PRKCI: variants seen among roughly 807,000 people sequenced by gnomAD.
The protein encoded by PRKCI is protein kinase C iota, also known as protein kinase C iota type.
PRKCI carries 43 observed loss-of-function variants against 84.0 expected under a neutral mutation model. The ratio of observed to expected loss-of-function variants is 0.51; its 90% CI spans 0.40 to 0.66. The LOEUF (loss-of-function observed/expected upper bound fraction) is 0.66. Ranked by LOEUF, PRKCI falls within the 30% of genes least tolerant of loss-of-function variation. The probability of loss-of-function intolerance (pLI) is 0.00; values close to 1 mark genes in which losing one functional copy is unlikely to be tolerated. For missense variants in PRKCI, 459 were observed against 745.6 expected, an observed-to-expected ratio of 0.62 and a Z score of 4.48; for synonymous variants, 216 against 234.4, an observed-to-expected ratio of 0.92 and a Z score of 0.72.
At chr3:170,280,487 AC>A in intron 9 of PRKCI, 84 bp downstream of exon 9, 1 of 1,317,334 alleles carries the variant, frequency 7.6e-7, no homozygotes, top group South Asian at 1.5e-5. Context: ...CGCTCTTGTC[AC>A]CCAGCCTGGA....
rs545531420 is a variant in PRKCI at position 170,275,384 on chromosome 3, T to C, written c.705+97T>C. 1.3e-5 allele frequency: 15 copies of C among 1,138,502 alleles called. No individual in the cohort carries two copies. In the African/African-American group the frequency reaches 2.4e-4, roughly 18 times the overall value. 70.5% of individuals were successfully genotyped at this position (1,138,502 alleles called of 1,614,324 possible). On this transcript the variant is annotated intron_variant, in intron 8 of 17. Coordinates refer to ENST00000295797, the MANE Select transcript of PRKCI (RefSeq NM_002740.6). ...CATATTGACCTGCTTAGACTTTAGA[T>C]CATAATGGTGAAATGCAAAAATGAT... is the stretch of plus-strand genomic sequence containing the variant.
At position 170,281,716 on chromosome 3, in the gene PRKCI, C is replaced by A. The variant is rs976139238; in HGVS notation, c.981-166C>A. Reference sequence around the variant, plus strand: ...AATTATTATCATGCTGGTTTACTTTCTCGTATGTTCCGTACCCTAGATACC... The same window carrying A: ...AATTATTATCATGCTGGTTTACTTTATCGTATGTTCCGTACCCTAGATACC... On this transcript the variant is annotated intron_variant, in intron 10 of 17. Transcript: ENST00000295797. The A allele has an allele frequency of 5.8e-5, 47 of 810,750 alleles. No homozygotes were observed. The African/African-American group carries it at 6.9e-4, about 12-fold the overall frequency. 50.2% of individuals were successfully genotyped at this position (810,750 alleles called of 1,614,324 possible).
chr3:170,228,787 G>A (rs1363694039), intron 1 of PRKCI, among the ~76,000 whole-genome samples: 1 of 151,942 alleles, frequency 6.6e-6, no homozygotes, highest in Non-Finnish European at 1.5e-5. Flanking sequence ...CATGAAGTCT[G>A]GTCACTTAGT....
chr3:170,289,210 G>A (rs1734475715), intron 12 of PRKCI, among the ~76,000 whole-genome samples: 1 of 152,136 alleles, frequency 6.6e-6, no homozygotes, highest in Admixed American at 6.5e-5. Context: ...CATTTTTCAT[G>A]AGAATGTATT....
chr3:170,229,558 A>C (rs996322573), intron 1 of PRKCI, among the ~76,000 whole-genome samples: 1 of 152,224 alleles, frequency 6.6e-6, no homozygotes, highest in Non-Finnish European at 1.5e-5. Flanking sequence ...CGGCCTCTCA[A>C]AGTGTAGAAA....
intron 3 of PRKCI, among the ~76,000 whole-genome samples, chr3:170,262,878 C>T (rs115555756): frequency 0.015 from 2,233 of 144,514 alleles, 38 homozygotes; most frequent in East Asian, 0.083. Flanking sequence ...GCAAATAAAA[C>T]CTTCTTTTGT....
chr3:170,286,777 A>G (rs191921592), intron 12 of PRKCI, among the ~76,000 whole-genome samples: 111 of 151,526 alleles, frequency 7.3e-4, no homozygotes, highest in African/African-American at 2.5e-3. Flanking sequence ...AAAGTCATTT[A>G]AGAAGATCTT....
intron 1 of PRKCI, among the ~76,000 whole-genome samples, chr3:170,228,880 C>T (rs1732710034): frequency 6.6e-6 from 1 of 152,054 alleles, no homozygotes; most frequent in African/African-American, 2.4e-5. Flanking sequence ...CACCCCCCTC[C>T]CACCTTTTGT....
rs886821844 is a variant in PRKCI, at chr3:170,304,311, C to T, written c.*1184C>T. On this transcript the variant is annotated 3_prime_UTR_variant, in exon 18 of 18. Coordinates refer to ENST00000295797, the MANE Select transcript of PRKCI (RefSeq NM_002740.6). ...ATTGGAGAGTGAATCCCCACAGTTG[C>T]TTTTTGTGACTTGATTCAAATGAGG... 4.6e-5 allele frequency: 7 copies of T among 152,146 alleles called. No individual in the cohort carries two copies. The highest frequency in any genetic ancestry group is 7.4e-5 in the Non-Finnish European group (5 of 68,020). The allele number at this position is 152,146 out of a possible 1,614,324, so 9.4% of individuals were successfully genotyped here.
intron 2 of PRKCI, among the ~76,000 whole-genome samples, chr3:170,246,745 A>G (rs1194943985): frequency 6.6e-6 from 1 of 152,234 alleles, no homozygotes; most frequent in Non-Finnish European, 1.5e-5. Flanking sequence ...GTGTTGTACA[A>G]CTATTAACAG....
At chr3:170,275,986 T>C (rs1209447736) in intron 8 of PRKCI, among the ~76,000 whole-genome samples, 1 of 149,170 alleles carries the variant, frequency 6.7e-6, no homozygotes, top group African/African-American at 2.5e-5. Context: ...CAGGCTGGAG[T>C]GCAGTGGTGT....
rs943341012 is a variant in PRKCI at position 170,296,100 on chromosome 3, T to C, written c.1497+110T>C. 1.6e-5 allele frequency: 9 copies of C among 549,046 alleles called. No individual in the cohort carries two copies. In the East Asian group the frequency reaches 2.0e-4, roughly 12 times the overall value. The allele number at this position is 549,046 out of a possible 1,614,324, so 34.0% of individuals were successfully genotyped here. On this transcript the variant is annotated intron_variant, in intron 15 of 17. Coordinates refer to ENST00000295797, the MANE Select transcript of PRKCI (RefSeq NM_002740.6). The stretch of plus-strand genomic sequence containing the variant: ...ATTCCAAAACAGTAGAGAATGTAAC[T>C]TTTTCAGTTTGACCCAGAATTTGTC...
chr3:170,251,937 C>T (rs949303140), intron 2 of PRKCI, among the ~76,000 whole-genome samples: 5 of 150,716 alleles, frequency 3.3e-5, no homozygotes, highest in Admixed American at 1.3e-4. Flanking sequence ...AAAGATTGGC[C>T]GGGTGCGGTG....
At position 170,282,124 on chromosome 3, in the gene PRKCI, A is replaced by G. The variant is rs556080268; in HGVS notation, c.1067+156A>G. Among the ~76,000 whole-genome samples the G allele has an allele frequency of 3.9e-5, 6 of 152,308 alleles. No individual in the cohort carries two copies. The South Asian group carries it at 1.0e-3, about 26-fold the overall frequency. On this transcript the variant is annotated intron_variant, in intron 11 of 17. Transcript: ENST00000295797. ...TGAGCTAAAAGTTAATTTACATTAT[A>G]TATATGTAAAACAATTATATATTCT...
intron 16 of PRKCI, 77 bp downstream of exon 16, chr3:170,297,470 T>G: frequency 3.3e-6 from 4 of 1,200,562 alleles, no homozygotes; most frequent in Non-Finnish European, 4.8e-6. Context: ...TTCTGTTTGT[T>G]TTTAGACAGA....
At chr3:170,294,262 T>C (rs1734641652) in intron 14 of PRKCI, among the ~76,000 whole-genome samples, 1 of 152,110 alleles carries the variant, frequency 6.6e-6, no homozygotes, top group Non-Finnish European at 1.5e-5. Flanking sequence ...CATCAGGGAA[T>C]ATACAGAATT....
intron 2 of PRKCI, among the ~76,000 whole-genome samples, chr3:170,238,123 G>A (rs530870200): frequency 5.9e-5 from 9 of 152,308 alleles, no homozygotes; most frequent in Middle Eastern, 3.4e-3. Context: ...AGCATTTTGG[G>A]AGGCCGAGGC....
At chr3:170,266,746 G>A (rs563122408) in intron 4 of PRKCI, among the ~76,000 whole-genome samples, 4 of 152,198 alleles carry the variant, frequency 2.6e-5, no homozygotes, top group Admixed American at 2.0e-4. Context: ...TAATCCCAGC[G>A]CTTTGGGAGG....
In PRKCI at chr3:170,222,782, G is replaced by A; in HGVS notation, c.101+12G>A. 1 of 1,603,284 alleles carries A rather than the reference G, an allele frequency of 6.2e-7. No homozygotes were observed. The highest frequency in any genetic ancestry group is 8.5e-7 in the Non-Finnish European group (1 of 1,175,686). On this transcript the variant is annotated intron_variant, in intron 1 of 17. Transcript: ENST00000295797. ...GCCTACTACCGCGGGTGAGTGTCCTGGGACAGGGCGGTGGGCGGGAGGGGA... is the reference window on the plus strand; with the variant it reads ...GCCTACTACCGCGGGTGAGTGTCCTAGGACAGGGCGGTGGGCGGGAGGGGA...
Sources: gnomAD v4.1 joint callset for allele counts (sites outside exome capture counted in the v4.1 genomes callset) on GRCh38, gnomAD v4.1.1 for gene constraint, MANE v1.5 for transcripts, NCBI Gene and HGNC (gene_info 2026-07-23, HGNC 2026-07-21) for gene names.